POT1: variants seen among roughly 807,000 people sequenced by gnomAD.
POT1 encodes protection of telomeres protein 1.
POT1 carries 47 observed loss-of-function variants against 78.5 expected under a neutral mutation model. The ratio of observed to expected loss-of-function variants is 0.60; its 90% CI spans 0.47 to 0.76. POT1 has a LOEUF of 0.76. POT1 is among the 30% of genes least tolerant of loss of function. POT1 has a pLI of 0.00. For missense variants in POT1, 646 were observed against 749.9 expected (o/e 0.86, Z 1.62); for synonymous variants, 259 against 260.7 (o/e 0.99, Z 0.06).
At chr7:124,872,023 T>G (rs1795882943) in intron 6 of POT1, among the ~76,000 whole-genome samples, 1 of 152,092 alleles carries the variant, frequency 6.6e-6, no homozygotes, top group South Asian at 2.1e-4. Context: ...CCCCAAAACC[T>G]TCCCATAACC....
chr7:124,850,639 G>A (rs1795282446), intron 11 of POT1, among the ~76,000 whole-genome samples: 1 of 152,060 alleles, frequency 6.6e-6, no homozygotes, highest in Admixed American at 6.6e-5. Context: ...GCTGAGGCAG[G>A]AGAATGCCCT....
At chr7:124,892,408 T>C in intron 5 of POT1, 28 bp from the exon 6 acceptor site, 1 of 1,109,974 alleles carries the variant, frequency 9.0e-7, no homozygotes, top group Non-Finnish European at 1.3e-6. Context: ...AGTGAATACA[T>C]TTATACAAAG....
chr7:124,853,998 T>C (rs544911821), intron 9 of POT1, among the ~76,000 whole-genome samples: 29 of 152,208 alleles, frequency 1.9e-4, no homozygotes, highest in South Asian at 8.3e-4. Context: ...TGTATAAATA[T>C]AGCACTCCTG....
At chr7:124,883,182 G>C (rs1410087242) in intron 6 of POT1, among the ~76,000 whole-genome samples, 1 of 151,966 alleles carries the variant, frequency 6.6e-6, no homozygotes, top group African/African-American at 2.4e-5. Flanking sequence ...GTGTCTGTCT[G>C]ATCCACCAAC....
chr7:124,831,533 T>TA lies in POT1; in HGVS notation c.1506-2192dup, dbSNP rs200370932. 5.6e-3 allele frequency among the ~76,000 whole-genome samples: 853 copies of TA among 151,272 alleles called. 11 individuals are homozygous for TA. Among genetic ancestry groups the TA allele is most frequent in the African/African-American group, 0.019 (795 of 41,278 alleles). On this transcript the variant is annotated intron_variant, in intron 15 of 18. Transcript: ENST00000357628. Reference sequence around the variant, plus strand: ...TTTACTACAACCACATCATATAATTTAAAAAAAAACTGTTTATGACCCACT... The same window carrying TA: ...TTTACTACAACCACATCATATAATTTAAAAAAAAAACTGTTTATGACCCACT...
At chr7:124,828,689 G>C (rs1794688956) in intron 16 of POT1, among the ~76,000 whole-genome samples, 1 of 151,994 alleles carries the variant, frequency 6.6e-6, no homozygotes, top group Admixed American at 6.6e-5. Flanking sequence ...AGTTCAAGAA[G>C]TTCATGTGAC....
chr7:124,860,847 A>G (rs1014654533), intron 8 of POT1, among the ~76,000 whole-genome samples: 6 of 152,056 alleles, frequency 3.9e-5, no homozygotes, highest in Admixed American at 6.6e-5. Context: ...TATGAGTGAG[A>G]ACATGCGGTG....
intron 3 of POT1, among the ~76,000 whole-genome samples, chr7:124,904,093 A>T (rs1584516459): frequency 6.6e-6 from 1 of 152,344 alleles, no homozygotes; most frequent in Non-Finnish European, 1.5e-5. Context: ...AGGTACAAAG[A>T]GGAGCTGGTA....
At chr7:124,837,925 C>T (rs1669287352) in intron 14 of POT1, among the ~76,000 whole-genome samples, 1 of 152,008 alleles carries the variant, frequency 6.6e-6, no homozygotes, top group Non-Finnish European at 1.5e-5. Context: ...TAATTTATCA[C>T]ATTAATAGGC....
intron 7 of POT1, among the ~76,000 whole-genome samples, chr7:124,870,560 G>A (rs905372122): frequency 4.0e-5 from 6 of 151,838 alleles, no homozygotes; most frequent in African/African-American, 1.2e-4. Context: ...TTTTCTTGTT[G>A]ACCTAAAGCT....
chr7:124,902,737 G>C (rs1191095968), intron 3 of POT1, among the ~76,000 whole-genome samples: 1 of 152,136 alleles, frequency 6.6e-6, no homozygotes, highest in African/African-American at 2.4e-5. Flanking sequence ...TGGCAAATTG[G>C]ATAAATCGTC....
At chr7:124,839,997 A>AT (rs35228372) in intron 14 of POT1, among the ~76,000 whole-genome samples, 56,117 of 145,090 alleles carry the variant, frequency 0.39, 10,682 homozygotes, top group East Asian at 0.49. Context: ...TTAAGACTTC[A>AT]TTTTTTTTTT....
At chr7:124,927,334 G>A (rs1797298688) in intron 2 of POT1, among the ~76,000 whole-genome samples, 1 of 152,062 alleles carries the variant, frequency 6.6e-6, no homozygotes, top group Non-Finnish European at 1.5e-5. Flanking sequence ...AAAGACAATG[G>A]GAATGCAAAT....
intron 8 of POT1, among the ~76,000 whole-genome samples, chr7:124,862,520 T>C (rs2116538455): frequency 6.6e-6 from 1 of 152,328 alleles, no homozygotes. Context: ...TAATATTCCA[T>C]GTGTATATGA....
chr7:124,870,804 C>T, intron 7 of POT1, 107 bp downstream of exon 7: 1 of 873,034 alleles, frequency 1.1e-6, no homozygotes, highest in Non-Finnish European at 1.6e-6. Flanking sequence ...GAAAAGCTTG[C>T]TGTCATGTTC....
chr7:124,826,339 C>A (rs1438919415), intron 17 of POT1, among the ~76,000 whole-genome samples: 1 of 152,118 alleles, frequency 6.6e-6, no homozygotes, highest in Admixed American at 6.5e-5. Context: ...CTTTCATTAT[C>A]TGATTTTAAT....
chr7:124,825,738 G>T (rs1236164753), intron 17 of POT1, among the ~76,000 whole-genome samples: 1 of 151,944 alleles, frequency 6.6e-6, no homozygotes, highest in Non-Finnish European at 1.5e-5. Flanking sequence ...TCCCTACTAT[G>T]TTATAAGTTT....
chr7:124,893,858 T>G (rs1336922855), intron 5 of POT1, among the ~76,000 whole-genome samples: 4 of 151,614 alleles, frequency 2.6e-5, no homozygotes, highest in African/African-American at 9.7e-5. Flanking sequence ...TGAGCTCAGC[T>G]CGTGTCTCCT....
At chr7:124,828,721 A>T (rs1383095989) in intron 16 of POT1, among the ~76,000 whole-genome samples, 1 of 152,190 alleles carries the variant, frequency 6.6e-6, no homozygotes, top group Non-Finnish European at 1.5e-5. Context: ...TTACATTAAG[A>T]ATAGAATGAG....
Sources: gnomAD v4.1 joint callset for allele counts (sites outside exome capture counted in the v4.1 genomes callset) on GRCh38, gnomAD v4.1.1 for gene constraint, MANE v1.5 for transcripts, NCBI Gene and HGNC (gene_info 2026-07-23, HGNC 2026-07-21) for gene names.